Variants in KCNN3 observed in about 807,000 individuals in gnomAD.
KCNN3 encodes the protein small conductance calcium-activated potassium channel protein 3.
Under a neutral mutation model 62.9 loss-of-function variants are expected in KCNN3, and 16 were observed. The observed-to-expected ratio is 0.25, with a 90% CI of 0.17 to 0.39. KCNN3 has a LOEUF of 0.39. Among genes scored for constraint, KCNN3 ranks in the 10% least tolerant of loss-of-function variants. KCNN3 has a pLI of 1.00. For synonymous variants in KCNN3, 370 were observed against 389.2 expected (o/e 0.95, Z 0.58); for missense variants, 599 against 949.4 (o/e 0.63, Z 4.85).
At chr1:154,739,980 A>T (rs986179153) in intron 3 of KCNN3, among the ~76,000 whole-genome samples, 3 of 152,228 alleles carry the variant, frequency 2.0e-5, no homozygotes, top group African/African-American at 7.2e-5. Context: ...TGAATTCCTG[A>T]CCCACAGCAA....
At chr1:154,773,435 C>T (rs1246657774) in intron 2 of KCNN3, among the ~76,000 whole-genome samples, 1 of 152,192 alleles carries the variant, frequency 6.6e-6, no homozygotes, top group African/African-American at 2.4e-5. Flanking sequence ...CTGAGAAGGG[C>T]GTCCTGGGAA....
chr1:154,803,100 G>A (rs903457915), intron 2 of KCNN3, among the ~76,000 whole-genome samples: 1 of 152,134 alleles, frequency 6.6e-6, no homozygotes, highest in African/African-American at 2.4e-5. Flanking sequence ...GTATGTACTG[G>A]ACTTCAGACT....
intron 1 of KCNN3, among the ~76,000 whole-genome samples, chr1:154,859,202 T>C (rs536237798): frequency 1.3e-5 from 2 of 152,360 alleles, no homozygotes; most frequent in Middle Eastern, 6.8e-3. Context: ...GCCAACATCT[T>C]ACCCACTGGA....
intron 1 of KCNN3, among the ~76,000 whole-genome samples, chr1:154,864,594 C>A (rs1011674490): frequency 6.6e-6 from 1 of 152,224 alleles, no homozygotes; most frequent in African/African-American, 2.4e-5. Context: ...CCTGGGCATA[C>A]GGAGAAGCGG....
At chr1:154,823,248 G>A (rs1650978012) in intron 1 of KCNN3, among the ~76,000 whole-genome samples, 1 of 152,132 alleles carries the variant, frequency 6.6e-6, no homozygotes, top group Non-Finnish European at 1.5e-5. Context: ...AGGAAGGCGG[G>A]AACACAGCCC....
rs952407124 is a variant in KCNN3, at chr1:154,714,930, A to G, written c.1775T>C (p.Ile592Thr). Reference sequence around the variant, plus strand: ...GTGTTTCCTCACTTTGGCATGGTCAATCTTCTTTAGCAGCTTTGTGTGTTT... The same window carrying G: ...GTGTTTCCTCACTTTGGCATGGTCAGTCTTCTTTAGCAGCTTTGTGTGTTT... ...IYKHTKLLKK[I>T]DHAKVRKHQR... The change falls in exon 6 of 8, where the codon ATT (isoleucine) becomes ACT (threonine). Residue 592 changes from isoleucine to threonine, a missense_variant. Physicochemically the swap from Ile to Thr is moderately conservative, Grantham distance 89. This residue lies in a region of KCNN3 where 288 missense variants were observed against 557.4 expected (regional missense o/e 0.52). Transcript: ENST00000271915. The G allele has an allele frequency of 2.5e-6, 4 of 1,613,718 alleles. No homozygotes were observed. Among genetic ancestry groups the G allele is most frequent in the South Asian group, 1.1e-5 (1 of 91,082 alleles).
At chr1:154,858,105 G>A (rs111264114) in intron 1 of KCNN3, among the ~76,000 whole-genome samples, 1 of 152,062 alleles carries the variant, frequency 6.6e-6, no homozygotes, top group Non-Finnish European at 1.5e-5. Flanking sequence ...TGTGCACCCC[G>A]TCAGGTGTCT....
chr1:154,708,040 T>TCGG lies in KCNN3; in HGVS notation c.2129_2131dup (p.Ser710_Asp711insAla). ...GGTGGAGCTGACCCCAATGGGGCTATCGGAGATTGGGGTGTGGGTGGTGCC... is the reference window on the plus strand; with the variant it reads ...GGTGGAGCTGACCCCAATGGGGCTATCGGCGGAGATTGGGGTGTGGGTGGTGCC... On this transcript the variant is annotated inframe_insertion, in exon 8 of 8. Transcript: ENST00000271915. 1 of 1,613,426 alleles carries TCGG rather than the reference T, an allele frequency of 6.2e-7. No homozygotes were observed. Among genetic ancestry groups the TCGG allele is most frequent in the Non-Finnish European group, 8.5e-7 (1 of 1,179,530 alleles).
intron 3 of KCNN3, among the ~76,000 whole-genome samples, chr1:154,758,795 T>TGTTTTC (rs2101824428): frequency 1.1e-5 from 1 of 93,164 alleles, no homozygotes; most frequent in Admixed American, 1.1e-4. Flanking sequence ...AACATCGTTT[T>TGTTTTC]GTTTTTGTTT....
At position 154,737,163 on chromosome 1, in the gene KCNN3, A is replaced by T. The variant is rs528993244; in HGVS notation, c.1449-4019T>A. 33 of 498,220 alleles carry T rather than the reference A, an allele frequency of 6.6e-5. 1 individual carries two copies. The highest frequency in any genetic ancestry group is 5.8e-4 in the Middle Eastern group (2 of 3,438). 30.9% of individuals were successfully genotyped at this position (498,220 alleles called of 1,614,324 possible). A position where few individuals can be genotyped will look rare whatever the true frequency, so the allele number is the denominator to read the frequency against. On this transcript the variant is annotated intron_variant, in intron 3 of 7. Transcript: ENST00000271915. The stretch of plus-strand genomic sequence containing the variant: ...TTTAGAGCGGTTTACACATGTCACA[A>T]ACTCACATACTAATCTTGTGCTATT...
chr1:154,712,710 G>A (rs1331423499), intron 7 of KCNN3, among the ~76,000 whole-genome samples: 1 of 152,114 alleles, frequency 6.6e-6, no homozygotes, highest in African/African-American at 2.4e-5. Context: ...GAGGAGAGGG[G>A]GCTGAGGAGG....
At position 154,772,092 on chromosome 1, in the gene KCNN3, T is replaced by C; in HGVS notation, c.1331A>G (p.Asn444Ser). 1 of 1,614,156 alleles carries C rather than the reference T, an allele frequency of 6.2e-7. No individual in the cohort carries two copies. The highest frequency in any genetic ancestry group is 8.5e-7 in the Non-Finnish European group (1 of 1,180,018). ...SRSIGALNKI[N>S]FNTRFVMKTL... ...CTTCATGACAAAGCGGGTGTTGAAG[T>C]TGATCTTGTTGAGGGCCCCGATGCT... Residue 444 changes from asparagine (N) to serine (S), a missense_variant, in exon 3 of 8, where the codon AAC becomes AGC. Physicochemically the swap from Asn to Ser is conservative, Grantham distance 46. Around this residue, in one of 7 missense-constraint regions of KCNN3, gnomAD observed 288 missense variants for 557.4 expected, o/e 0.52. Coordinates refer to ENST00000271915, the MANE Select transcript of KCNN3 (RefSeq NM_002249.6). The surrounding 1 kb of genome is among the most constrained non-coding windows in gnomAD (Gnocchi z 5.6).
intron 2 of KCNN3, among the ~76,000 whole-genome samples, chr1:154,806,593 C>T (rs1005856862): frequency 6.6e-6 from 1 of 152,148 alleles, no homozygotes; most frequent in African/African-American, 2.4e-5. Flanking sequence ...ATTTCATTTT[C>T]TTTTCATAAA....
chr1:154,778,596 CCT>C (rs1367908006), intron 2 of KCNN3, among the ~76,000 whole-genome samples: 133 of 150,916 alleles, frequency 8.8e-4, no homozygotes, highest in Middle Eastern at 3.4e-3. Flanking sequence ...TTTCTCTCTC[CCT>C]CTCTCTCTGT....
At chr1:154,771,137 G>A (rs1648543531) in intron 3 of KCNN3, among the ~76,000 whole-genome samples, 1 of 151,752 alleles carries the variant, frequency 6.6e-6, no homozygotes, top group Non-Finnish European at 1.5e-5. Flanking sequence ...CCCTTGCAAG[G>A]AGAAGAGTCA....
chr1:154,721,493 G>A (rs982703125), intron 5 of KCNN3, among the ~76,000 whole-genome samples: 9 of 151,848 alleles, frequency 5.9e-5, no homozygotes, highest in East Asian at 1.9e-4. Flanking sequence ...TAGAGACGGG[G>A]TTTCACCATG....
intron 6 of KCNN3, among the ~76,000 whole-genome samples, chr1:154,714,050 G>GT (rs1700135810): frequency 2.7e-5 from 2 of 75,068 alleles, no homozygotes; most frequent in African/African-American, 6.1e-5. Flanking sequence ...GGTGTGTGCG[G>GT]GGTGTGTGTG....
At chr1:154,775,410 T>C (rs1648745995) in intron 2 of KCNN3, among the ~76,000 whole-genome samples, 1 of 152,180 alleles carries the variant, frequency 6.6e-6, no homozygotes, top group South Asian at 2.1e-4. Context: ...TTGCCGAGCC[T>C]CAGTTTCTCT....
At chr1:154,814,539 G>A (rs1650577645) in intron 2 of KCNN3, among the ~76,000 whole-genome samples, 1 of 152,248 alleles carries the variant, frequency 6.6e-6, no homozygotes, top group Non-Finnish European at 1.5e-5. Flanking sequence ...GATGGCCAGA[G>A]AGAGTTCCTG....
Sources: gnomAD v4.1 joint callset for allele counts (sites outside exome capture counted in the v4.1 genomes callset) on GRCh38, gnomAD v4.1.1 for gene constraint, gnomAD v4.1.1 regional missense constraint, Gnocchi (gnomAD v3.1) non-coding constraint, MANE v1.5 for transcripts, NCBI Gene and HGNC (gene_info 2026-07-23, HGNC 2026-07-21) for gene names.